SLC15A4: variants seen among roughly 807,000 people sequenced by gnomAD.
The protein encoded by SLC15A4 is hPHT1.
Under a neutral mutation model 46.1 loss-of-function variants are expected in SLC15A4, and 26 were observed. The observed-to-expected ratio is 0.56, with a 90% confidence interval of 0.41 to 0.78. The LOEUF (loss-of-function observed/expected upper bound fraction) is 0.78, where lower values mean the gene tolerates loss of function less well. Among genes scored for constraint, SLC15A4 ranks in the 30% least tolerant of loss-of-function variants. SLC15A4 has a pLI of 0.00. For missense variants in SLC15A4, 751 were observed against 755.7 expected (o/e 0.99, Z 0.07); for synonymous variants, 370 against 333.4 (o/e 1.11, Z -1.20).
intron 1 of SLC15A4, chr12:128,819,889 A>G (rs1402528422): frequency 2.0e-5 from 3 of 152,286 alleles, no homozygotes; most frequent in Non-Finnish European, 2.9e-5. Flanking sequence ...GGAGAGCACC[A>G]GCTTTTAAGT....
chr12:128,802,900 C>T (rs981060641), intron 5 of SLC15A4, among the ~76,000 whole-genome samples: 3 of 152,190 alleles, frequency 2.0e-5, no homozygotes, highest in South Asian at 2.1e-4. Flanking sequence ...ACAGCCAACA[C>T]TGCGGAAACC....
chr12:128,797,175 T>C (rs1955455655), intron 7 of SLC15A4, among the ~76,000 whole-genome samples: 1 of 151,638 alleles, frequency 6.6e-6, no homozygotes, highest in South Asian at 2.1e-4. Flanking sequence ...AGGGCAGGTA[T>C]TCACAACAGC....
chr12:128,798,615 T>C (rs1363588782), intron 7 of SLC15A4, among the ~76,000 whole-genome samples: 2 of 152,168 alleles, frequency 1.3e-5, no homozygotes, highest in Non-Finnish European at 2.9e-5. Flanking sequence ...GTAGATAAAA[T>C]ATTTTTACAA....
intron 1 of SLC15A4, among the ~76,000 whole-genome samples, chr12:128,816,176 G>C (rs74855471): frequency 6.6e-6 from 1 of 152,160 alleles, no homozygotes; most frequent in Non-Finnish European, 1.5e-5. Flanking sequence ...TGGAGTTCAC[G>C]AGGCTACTTC....
intron 1 of SLC15A4, among the ~76,000 whole-genome samples, chr12:128,818,608 C>T (rs1955791044): frequency 1.3e-5 from 2 of 152,208 alleles, no homozygotes; most frequent in African/African-American, 4.8e-5. Flanking sequence ...CTTTTCCCTT[C>T]AAATGTTTTT....
intron 7 of SLC15A4, among the ~76,000 whole-genome samples, chr12:128,795,579 C>T (rs1012657942): frequency 1.3e-5 from 2 of 152,202 alleles, no homozygotes; most frequent in Non-Finnish European, 2.9e-5. Flanking sequence ...GGTGAGGGTG[C>T]TAGCAACACG....
At chr12:128,804,475 T>C (rs1232710897) in intron 5 of SLC15A4, among the ~76,000 whole-genome samples, 2 of 152,242 alleles carry the variant, frequency 1.3e-5, no homozygotes, top group African/African-American at 2.4e-5. Flanking sequence ...CTCACGCCTG[T>C]AATCCCAGCA....
intron 1 of SLC15A4, among the ~76,000 whole-genome samples, chr12:128,821,542 T>C (rs1349279359): frequency 1.3e-5 from 2 of 152,196 alleles, no homozygotes; most frequent in Admixed American, 6.5e-5. Flanking sequence ...TGAAATTTGA[T>C]TTTCATAAAA....
In SLC15A4 at chr12:128,809,450, C is replaced by A. The variant is rs1263671322; in HGVS notation, c.1035G>T (p.Gln345His). 6.2e-7 allele frequency: 1 copy of A among 1,608,352 alleles called. No homozygotes were observed. The highest frequency in any genetic ancestry group is 8.5e-7 in the Non-Finnish European group (1 of 1,177,272). The change falls in exon 4 of 8, where the codon CAG (glutamine) becomes CAT (histidine). Residue 345 changes from glutamine to histidine, a missense_variant. Coordinates refer to ENST00000266771, the MANE Select transcript of SLC15A4 (RefSeq NM_145648.4). ...YFQMQTTYVLQSLHLRIPEIS... is the reference protein window; with the variant it reads ...YFQMQTTYVLHSLHLRIPEIS... ...TTTCTGGAATCCTCAAATGAAGACT[C>A]TGTAAAACATATGTTGTCTGCATCT...
chr12:128,812,345 G>A (rs7975141), intron 2 of SLC15A4, among the ~76,000 whole-genome samples: 9 of 151,768 alleles, frequency 5.9e-5, no homozygotes, highest in Admixed American at 2.0e-4. Context: ...TTTTTGAGAC[G>A]GAGTCTCGCT....
At chr12:128,817,839 T>C (rs1394886766) in intron 1 of SLC15A4, among the ~76,000 whole-genome samples, 3 of 152,202 alleles carry the variant, frequency 2.0e-5, no homozygotes, top group African/African-American at 7.2e-5. Context: ...GGACATCACA[T>C]GCTTCCCAGC....
Position 128,808,884 on chromosome 12 carries a change from C to A in SLC15A4, c.1162G>T (p.Val388Phe), listed in dbSNP as rs938112109. The A allele has an allele frequency of 2.5e-6, 4 of 1,614,040 alleles. No homozygotes were observed. Among genetic ancestry groups the A allele is most frequent in the Middle Eastern group, 1.6e-4 (1 of 6,084 alleles). ...CCATGTCTTCTCAAAATGGGATCGA[C>A]CAGTTTGTCCTTCAGAGGGATGAGC... ...LLLIPLKDKL[V>F]DPILRRHGLL... The change falls in exon 5 of 8, where the codon GTC (valine) becomes TTC (phenylalanine). Residue 388 changes from valine to phenylalanine, a missense_variant. Val to Phe is a conservative substitution (Grantham distance 50, BLOSUM62 -1). Coordinates refer to ENST00000266771, the MANE Select transcript of SLC15A4 (RefSeq NM_145648.4).
In SLC15A4 at chr12:128,814,959, C is replaced by A. The variant is rs201786635; in HGVS notation, c.658G>T (p.Val220Phe). The A allele has an allele frequency of 6.2e-7, 1 of 1,614,030 alleles. No individual in the cohort carries two copies. Among genetic ancestry groups the A allele is most frequent in the African/African-American group, 1.3e-5 (1 of 74,914 alleles). ...LGGIAYIQQN[V>F]SFVTGYAIPT... ...ATCGCATAACCAGTGACAAAGCTGA[C>A]GTTCTGCTGAATATAGGCAATGCCA... Residue 220 changes from valine to phenylalanine, a missense_variant, in exon 2 of 8, where the codon GTC (valine) becomes TTC (phenylalanine). Physicochemically the swap from Val to Phe is conservative, Grantham distance 50. Coordinates refer to ENST00000266771, the MANE Select transcript of SLC15A4 (RefSeq NM_145648.4).
At chr12:128,821,816 G>A (rs1345463507) in intron 1 of SLC15A4, among the ~76,000 whole-genome samples, 4 of 151,722 alleles carry the variant, frequency 2.6e-5, no homozygotes, top group East Asian at 3.9e-4. Flanking sequence ...AACTCAGGAG[G>A]TGAAGGTTGC....
Position 128,823,391 on chromosome 12 carries a change from G to C in SLC15A4, c.546+7C>G, listed in dbSNP as rs1427176154. The C allele has an allele frequency of 1.4e-6, 2 of 1,412,724 alleles. No homozygotes were observed. Among genetic ancestry groups the C allele is most frequent in the Non-Finnish European group, 1.8e-6 (2 of 1,089,622 alleles). The allele number at this position is 1,412,724 out of a possible 1,614,324, so 87.5% of individuals were successfully genotyped here. ...GGACAGGGACAGCGCGCGGGGGCGC[G>C]GCTCACCTGGTCGGCGCCGAAGGGC... On this transcript the variant is annotated splice_region_variant and intron_variant, in intron 1 of 7. Transcript: ENST00000266771.
intron 5 of SLC15A4, among the ~76,000 whole-genome samples, chr12:128,808,257 T>C (rs1050704417): frequency 1.3e-5 from 2 of 152,210 alleles, no homozygotes; most frequent in Non-Finnish European, 2.9e-5. Flanking sequence ...TAGGCATTTG[T>C]TCTTATCAGG....
At chr12:128,807,370 G>C (rs1955602093) in intron 5 of SLC15A4, among the ~76,000 whole-genome samples, 1 of 152,226 alleles carries the variant, frequency 6.6e-6, no homozygotes, top group Non-Finnish European at 1.5e-5. Flanking sequence ...AACTGAAAGA[G>C]AGGATGTTAG....
intron 1 of SLC15A4, 27 bp downstream of exon 1, chr12:128,823,371 G>C (rs977451392): frequency 2.9e-6 from 4 of 1,384,584 alleles, no homozygotes; most frequent in Non-Finnish European, 3.7e-6. Context: ...GACAGGGACA[G>C]GGACAGCGCG....
At chr12:128,820,344 TTCC>T (rs558989788) in intron 1 of SLC15A4, among the ~76,000 whole-genome samples, 68 of 152,348 alleles carry the variant, frequency 4.5e-4, no homozygotes, top group African/African-American at 1.6e-3. Flanking sequence ...TTGTGCCTGT[TTCC>T]TCATCAGTAA....
Sources: gnomAD v4.1 joint callset for allele counts (sites outside exome capture counted in the v4.1 genomes callset) on GRCh38, gnomAD v4.1.1 for gene constraint, MANE v1.5 for transcripts, NCBI Gene and HGNC (gene_info 2026-07-23, HGNC 2026-07-21) for gene names.